Variants in CNTNAP2 observed in about 807,000 individuals in gnomAD.
CNTNAP2 encodes contactin associated protein 2, also known as contactin-associated protein-like 2.
A neutral mutation model predicts 155.2 loss-of-function variants in CNTNAP2; 98 were observed. The observed-to-expected ratio is 0.63, with a 90% CI of 0.54 to 0.75. The LOEUF (loss-of-function observed/expected upper bound fraction) is 0.75, where lower values mean the gene tolerates loss of function less well. Ranked by LOEUF, CNTNAP2 falls within the 30% of genes least tolerant of loss-of-function variation. The pLI, the probability that CNTNAP2 is intolerant of heterozygous loss-of-function variation, is 0.00. For missense variants in CNTNAP2, 1,727 were observed against 1,688.1 expected (o/e 1.02, Z -0.40); for synonymous variants, 651 against 631.2 (o/e 1.03, Z -0.47).
At chr7:146,856,271 TAGA>T (rs1157752356) in intron 3 of CNTNAP2, among the ~76,000 whole-genome samples, 1 of 49,356 alleles carries the variant, frequency 2.0e-5, no homozygotes, top group Non-Finnish European at 4.1e-5. Context: ...TATAGATAGA[TAGA>T]TAGATAGATA....
At chr7:147,837,596 C>T (rs948302354) in intron 13 of CNTNAP2, among the ~76,000 whole-genome samples, 1 of 152,100 alleles carries the variant, frequency 6.6e-6, no homozygotes, top group African/African-American at 2.4e-5. Context: ...TTATCTGAGA[C>T]AATATAAGTC....
At chr7:147,572,336 A>G (rs2116809956) in intron 12 of CNTNAP2, among the ~76,000 whole-genome samples, 1 of 150,094 alleles carries the variant, frequency 6.7e-6, no homozygotes, top group South Asian at 2.1e-4. Context: ...CATGAGATCC[A>G]GTGAGGCCTA....
chr7:147,106,101 G>A (rs528803810), intron 4 of CNTNAP2, among the ~76,000 whole-genome samples: 9 of 152,002 alleles, frequency 5.9e-5, no homozygotes, highest in African/African-American at 2.2e-4. Flanking sequence ...CTGAGTAAAA[G>A]CTCAGGGAAC....
chr7:146,323,647 A>C (rs1466841392), intron 1 of CNTNAP2, among the ~76,000 whole-genome samples: 1 of 152,130 alleles, frequency 6.6e-6, no homozygotes, highest in Non-Finnish European at 1.5e-5. Context: ...GTCCATAAAT[A>C]ATATTGTTCA....
chr7:146,807,405 CTTTT>C (rs1802987253), intron 2 of CNTNAP2, among the ~76,000 whole-genome samples: 1 of 152,032 alleles, frequency 6.6e-6, no homozygotes, highest in Non-Finnish European at 1.5e-5. Flanking sequence ...AATTTTGTCA[CTTTT>C]TATGATGCTG....
Position 146,768,585 on chromosome 7 carries a change from C to T in CNTNAP2, c.98-5686C>T, listed in dbSNP as rs56760638. Among the ~76,000 whole-genome samples, 341 of 151,852 alleles carry T rather than the reference C, an allele frequency of 2.2e-3. 4 individuals carry two copies. The highest frequency in any genetic ancestry group is 7.8e-3 in the African/African-American group (322 of 41,452). ...ATGTGCAGGTATAGGTAGAGTAGCT[C>T]GAACTTCAAAAGGCAGAAGTTGAAT... On this transcript the variant is annotated intron_variant, in intron 1 of 23. Transcript: ENST00000361727.
chr7:147,490,475 A>G (rs1798586995), intron 11 of CNTNAP2, among the ~76,000 whole-genome samples: 1 of 152,192 alleles, frequency 6.6e-6, no homozygotes, highest in Non-Finnish European at 1.5e-5. Flanking sequence ...AACAGCCCAT[A>G]CCATGTTGTT....
intron 8 of CNTNAP2, among the ~76,000 whole-genome samples, chr7:147,245,422 C>T (rs1804036070): frequency 6.6e-6 from 1 of 152,052 alleles, no homozygotes; most frequent in Non-Finnish European, 1.5e-5. Flanking sequence ...CCTCAGCCTC[C>T]ACAGAGCATC....
chr7:147,558,226 T>G (rs1012572592), intron 11 of CNTNAP2, among the ~76,000 whole-genome samples: 1 of 152,200 alleles, frequency 6.6e-6, no homozygotes, highest in Non-Finnish European at 1.5e-5. Context: ...ATTTATATAT[T>G]TCTTTTGACA....
intron 1 of CNTNAP2, among the ~76,000 whole-genome samples, chr7:146,503,146 T>G (rs1293473972): frequency 6.6e-6 from 1 of 152,224 alleles, no homozygotes; most frequent in Non-Finnish European, 1.5e-5. Flanking sequence ...AGTCGTAATT[T>G]AATTTTATTG....
intron 15 of CNTNAP2, among the ~76,000 whole-genome samples, chr7:148,071,732 T>C (rs117635636): frequency 1.1e-3 from 171 of 152,364 alleles, no homozygotes; most frequent in Middle Eastern, 6.8e-3. Context: ...TCTTTTTCCA[T>C]AAATACTTAC....
At chr7:147,101,390 G>A (rs1433956947) in intron 4 of CNTNAP2, among the ~76,000 whole-genome samples, 1 of 152,208 alleles carries the variant, frequency 6.6e-6, no homozygotes, top group Non-Finnish European at 1.5e-5. Flanking sequence ...GCATGCAGGT[G>A]AGCTGGAGCG....
Position 146,583,422 on chromosome 7 carries a change from G to A in CNTNAP2, c.98-190849G>A, listed in dbSNP as rs575918126. 2.0e-5 allele frequency among the ~76,000 whole-genome samples: 3 copies of A among 152,248 alleles called. No individual in the cohort carries two copies. In the South Asian group the frequency reaches 6.2e-4, roughly 32 times the overall value. ...AAACCTGAGATGTCTGTGGGTTGAG[G>A]AGGGAATGAAGTTGAGCATGAGAAT... On this transcript the variant is annotated intron_variant, in intron 1 of 23. Transcript: ENST00000361727.
At chr7:147,981,191 CAG>C (rs1563156423) in intron 15 of CNTNAP2, among the ~76,000 whole-genome samples, 1 of 152,176 alleles carries the variant, frequency 6.6e-6, no homozygotes, top group African/African-American at 2.4e-5. Context: ...AAAGATGGAA[CAG>C]AGAATAGAAA....
intron 8 of CNTNAP2, among the ~76,000 whole-genome samples, chr7:147,139,375 C>A (rs992179328): frequency 6.6e-6 from 1 of 151,882 alleles, no homozygotes; most frequent in African/African-American, 2.4e-5. Context: ...TTTGCAATTG[C>A]GTGTCTAATT....
intron 1 of CNTNAP2, among the ~76,000 whole-genome samples, chr7:146,348,146 G>A (rs183165880): frequency 5.9e-5 from 9 of 152,208 alleles, no homozygotes; most frequent in African/African-American, 1.4e-4. Context: ...CAGGCTGGGC[G>A]CAGTGGCTCA....
chr7:146,401,276 A>G (rs1321945978), intron 1 of CNTNAP2, among the ~76,000 whole-genome samples: 1 of 152,208 alleles, frequency 6.6e-6, no homozygotes, highest in African/African-American at 2.4e-5. Flanking sequence ...TAGGGCCTAC[A>G]GAGGCTAAAA....
At chr7:147,708,870 G>A (rs1477260063) in intron 13 of CNTNAP2, among the ~76,000 whole-genome samples, 3 of 152,122 alleles carry the variant, frequency 2.0e-5, no homozygotes, top group African/African-American at 7.2e-5. Flanking sequence ...CTGTGTAAGA[G>A]ACACGTAGCA....
intron 17 of CNTNAP2, among the ~76,000 whole-genome samples, chr7:148,167,439 T>C (rs1805689425): frequency 6.6e-6 from 1 of 151,440 alleles, no homozygotes; most frequent in South Asian, 2.1e-4. Flanking sequence ...CTTTACTTAA[T>C]GAACACAACA....
Sources: allele counts gnomAD v4.1 joint callset (sites outside exome capture counted in the v4.1 genomes callset), GRCh38; gene constraint gnomAD v4.1.1; transcripts MANE v1.5; gene names NCBI Gene and HGNC (gene_info 2026-07-23, HGNC 2026-07-21).